Variants in NOA1 observed in about 807,000 individuals in gnomAD.
The protein encoded by NOA1 is nitric oxide associated 1.
NOA1 carries 35 observed loss-of-function variants against 58.4 expected under a neutral mutation model. The ratio of observed to expected loss-of-function variants is 0.60; its 90% CI spans 0.46 to 0.79. NOA1 has a LOEUF of 0.79. Among genes scored for constraint, NOA1 ranks in the 30% least tolerant of loss-of-function variants. The pLI is 0.00. For synonymous variants in NOA1, 397 were observed against 373.4 expected (o/e 1.06, Z -0.73); for missense variants, 895 against 894.6 (o/e 1.00, Z -0.01).
At chr4:56,972,753 C>T (rs575561599) in intron 3 of NOA1, among the ~76,000 whole-genome samples, 1 of 152,216 alleles carries the variant, frequency 6.6e-6, no homozygotes, top group South Asian at 2.1e-4. Flanking sequence ...TAAACGTTTC[C>T]CTAACCAAGG....
chr4:56,966,093 C>G (rs978634167), intron 5 of NOA1, among the ~76,000 whole-genome samples: 9 of 134,414 alleles, frequency 6.7e-5, no homozygotes, highest in African/African-American at 2.3e-4. Context: ...GTAGCGCGAT[C>G]TTGGCTCACT....
Position 56,976,952 on chromosome 4 carries a change from G to A in NOA1, c.634C>T (p.Pro212Ser), listed in dbSNP as rs772377044. 6.2e-7 allele frequency: 1 copy of A among 1,602,940 alleles called. No individual in the cohort carries two copies. Among genetic ancestry groups the A allele is most frequent in the Non-Finnish European group, 8.5e-7 (1 of 1,177,408 alleles). ...LELVSAALRR[P>S]GPSLVLYMVD... Reference sequence around the variant, plus strand: ...ATGTAGAGCACCAGGGAGGGGCCGGGCCGCCGCAACGCGGCGCTCACCAGC... The same window carrying A: ...ATGTAGAGCACCAGGGAGGGGCCGGACCGCCGCAACGCGGCGCTCACCAGC... The change falls in exon 1 of 7, where the codon CCC becomes TCC. Residue 212 changes from proline (P) to serine (S), a missense_variant. Physicochemically the swap from Pro to Ser is moderately conservative, Grantham distance 74. This residue lies in a region of NOA1 where 680 missense variants were observed against 656.5 expected (regional missense o/e 1.04). Coordinates refer to ENST00000264230, the MANE Select transcript of NOA1 (RefSeq NM_032313.4).
rs1433691604 is a variant in NOA1, at chr4:56,964,443, T to G, written c.1848A>C (p.Ala616=). The G allele has an allele frequency of 1.2e-6, 2 of 1,614,062 alleles. No homozygotes were observed. The highest frequency in any genetic ancestry group is 1.7e-6 in the Non-Finnish European group (2 of 1,180,038). Residue 616 remains alanine (A), a synonymous_variant, in exon 6 of 7, where the codon GCA becomes GCC. Transcript: ENST00000264230. ...ACTTGATGTCGGCCACTGCTTCAGA[T>G]GCCCCCAGTCCTTCTTTTAACATAA... ...EDIMLKEGLG[A]SEAVADIKFS...
intron 4 of NOA1, among the ~76,000 whole-genome samples, chr4:56,967,922 T>TG (rs1176321727): frequency 1.3e-5 from 2 of 149,660 alleles, no homozygotes; most frequent in Non-Finnish European, 3.0e-5. Flanking sequence ...TCCCCAAGTT[T>TG]TTTTTTTTTT....
chr4:56,968,629 C>T, intron 3 of NOA1, 114 bp from the exon 4 acceptor site: 1 of 818,012 alleles, frequency 1.2e-6, no homozygotes, highest in Non-Finnish European at 1.9e-6. Flanking sequence ...CAAAATAAAC[C>T]AAATTATGTC....
chr4:56,977,544 G>A lies in NOA1; in HGVS notation c.42C>T (p.Phe14=). The change falls in exon 1 of 7, where the codon TTC becomes TTT. Residue 14 remains phenylalanine, a synonymous_variant. Transcript: ENST00000264230. ...CTGCCGTGGGAGCGGATCCACGAAGGAAAAGGCTCAGCAGCCTGAACGGTA... is the reference window on the plus strand; with the variant it reads ...CTGCCGTGGGAGCGGATCCACGAAGAAAAAGGCTCAGCAGCCTGAACGGTA... ...ARLPFRLLSL[F]LRGSAPTAAR... is the part of the protein sequence containing the mutation. 1 of 1,611,206 alleles carries A rather than the reference G, an allele frequency of 6.2e-7. No individual in the cohort carries two copies. The highest frequency in any genetic ancestry group is 8.5e-7 in the Non-Finnish European group (1 of 1,178,978).
Position 56,963,361 on chromosome 4 carries a change from G to T in NOA1, c.*89C>A. 1 of 1,108,398 alleles carries T rather than the reference G, an allele frequency of 9.0e-7. No individual in the cohort carries two copies. Among genetic ancestry groups the T allele is most frequent in the Non-Finnish European group, 1.3e-6 (1 of 750,674 alleles). The allele number at this position is 1,108,398 out of a possible 1,614,324, so 68.7% of individuals were successfully genotyped here. A position where few individuals can be genotyped will look rare whatever the true frequency, so the allele number is the denominator to read the frequency against. ...AAAGAAAAAAAGGGTAAGAATGGGA[G>T]CTTTATTTATGCGTTATATGTTTAA... On this transcript the variant is annotated 3_prime_UTR_variant, in exon 7 of 7. Transcript: ENST00000264230.
intron 5 of NOA1, 32 bp downstream of exon 5, chr4:56,966,588 C>G: frequency 7.6e-7 from 1 of 1,308,236 alleles, no homozygotes; most frequent in East Asian, 2.3e-5. Context: ...GTATACTAAC[C>G]ATAACCATGC....
chr4:56,965,010 T>C (rs1721671210), intron 5 of NOA1, among the ~76,000 whole-genome samples: 2 of 152,124 alleles, frequency 1.3e-5, no homozygotes, highest in Non-Finnish European at 2.9e-5. Flanking sequence ...GTAATTTTTT[T>C]TTTTTTGAGA....
intron 4 of NOA1, among the ~76,000 whole-genome samples, chr4:56,967,032 G>A (rs1324946907): frequency 3.3e-5 from 5 of 152,050 alleles, no homozygotes; most frequent in Admixed American, 1.3e-4. Flanking sequence ...TGCTTTAATT[G>A]TCTCTGTGTA....
rs767530139 is a variant in NOA1, at chr4:56,966,614, C to T, written c.1764+6G>A. Reference sequence around the variant, plus strand: ...ATAACCATGCAATCAAGGCATGTTGCCTTACCTGGAGTAACGTATGACCTG... The same window carrying T: ...ATAACCATGCAATCAAGGCATGTTGTCTTACCTGGAGTAACGTATGACCTG... On this transcript the variant is annotated splice_donor_region_variant and intron_variant, in intron 5 of 6. Coordinates refer to ENST00000264230, the MANE Select transcript of NOA1 (RefSeq NM_032313.4). 2 of 1,563,358 alleles carry T rather than the reference C, an allele frequency of 1.3e-6. No homozygotes were observed. Among genetic ancestry groups the T allele is most frequent in the Non-Finnish European group, 8.8e-7 (1 of 1,134,398 alleles).
Position 56,977,593 on chromosome 4 carries a change from T to C in NOA1, c.-8A>G, listed in dbSNP as rs377646117. On this transcript the variant is annotated 5_prime_UTR_variant, in exon 1 of 7. Coordinates refer to ENST00000264230, the MANE Select transcript of NOA1 (RefSeq NM_032313.4). ...TAGGCGAGCGGGCAGCATGAGGAAG[T>C]AGCTCCAAAGGGGCGGAGCCACCAG... 14 of 1,564,116 alleles carry C rather than the reference T, an allele frequency of 9.0e-6. No individual in the cohort carries two copies. The South Asian group carries it at 1.1e-4, about 13-fold the overall frequency.
In NOA1 at chr4:56,973,860, A is replaced by C; in HGVS notation, c.1307T>G (p.Val436Gly). The C allele has an allele frequency of 6.2e-7, 1 of 1,613,956 alleles. No homozygotes were observed. The highest frequency in any genetic ancestry group is 1.1e-5 in the South Asian group (1 of 91,058). ...GTTTTCCCATAGAGGATGCTTACCT[A>C]CGACATAACCATGCTTTTTGAGGAC... ...LNVLKKHGYV[V>G]GRVGRTFLYS... The change falls in exon 2 of 7, where the codon GTA becomes GGA. Residue 436 changes from valine to glycine, a missense_variant and splice_region_variant. By Grantham distance (109) the Val-to-Gly change is moderately radical (BLOSUM62 -3). Around this residue, in one of 3 missense-constraint regions of NOA1, gnomAD observed 680 missense variants for 656.5 expected, o/e 1.04. Transcript: ENST00000264230.
In NOA1 at chr4:56,973,842, C is replaced by A. The variant is rs1399162339; in HGVS notation, c.1309+16G>T. ...AGCATAGTACCAACGAGGGTTTTCC[C>A]ATAGAGGATGCTTACCTACGACATA... On this transcript the variant is annotated intron_variant, in intron 2 of 6. Coordinates refer to ENST00000264230, the MANE Select transcript of NOA1 (RefSeq NM_032313.4). The A allele has an allele frequency of 6.2e-7, 1 of 1,612,638 alleles. No homozygotes were observed. The highest frequency in any genetic ancestry group is 8.5e-7 in the Non-Finnish European group (1 of 1,179,178).
chr4:56,973,386 T>G, intron 2 of NOA1, 33 bp from the exon 3 acceptor site: 1 of 1,532,626 alleles, frequency 6.5e-7, no homozygotes, highest in Non-Finnish European at 9.0e-7. Flanking sequence ...TATTAGTCAC[T>G]CCTTTAATAC....
chr4:56,966,776 T>G lies in NOA1; in HGVS notation c.1648-40A>C. 1.5e-6 allele frequency: 2 copies of G among 1,311,518 alleles called. 1 individual carries two copies. Among genetic ancestry groups the G allele is most frequent in the Non-Finnish European group, 2.2e-6 (2 of 914,774 alleles). The allele number at this position is 1,311,518 out of a possible 1,614,324, so 81.2% of individuals were successfully genotyped here. Reference sequence around the variant, plus strand: ...AAGTTATCTGACCTGGTGAAAAACTTGGAAAACCTGCATATTCAAGGTACA... The same window carrying G: ...AAGTTATCTGACCTGGTGAAAAACTGGGAAAACCTGCATATTCAAGGTACA... On this transcript the variant is annotated intron_variant, in intron 4 of 6. Coordinates refer to ENST00000264230, the MANE Select transcript of NOA1 (RefSeq NM_032313.4).
In NOA1 at chr4:56,969,713, C is replaced by T. The variant is rs527480839; in HGVS notation, c.1516-1198G>A. ...ACATTAAAAGCCATTTGCAGGTCAG[C>T]CATGGTGGCTCATGCCTGTAATCCC... is the stretch of plus-strand genomic sequence containing the variant. On this transcript the variant is annotated intron_variant, in intron 3 of 6. Transcript: ENST00000264230. Among the ~76,000 whole-genome samples, 33 of 152,096 alleles carry T rather than the reference C, an allele frequency of 2.2e-4. No individual in the cohort carries two copies. In the South Asian group the frequency reaches 6.6e-3, roughly 31 times the overall value.
In NOA1 at chr4:56,976,514, G is replaced by T. The variant is rs754102711; in HGVS notation, c.1072C>A (p.Leu358Ile). 1 of 1,614,238 alleles carries T rather than the reference G, an allele frequency of 6.2e-7. No homozygotes were observed. The highest frequency in any genetic ancestry group is 8.5e-7 in the Non-Finnish European group (1 of 1,180,040). Residue 358 changes from leucine (L) to isoleucine (I), a missense_variant, in exon 1 of 7, where the codon CTC becomes ATC. By Grantham distance (5) the Leu-to-Ile change is conservative. Coordinates refer to ENST00000264230, the MANE Select transcript of NOA1 (RefSeq NM_032313.4). ...NAGKSTLFNT[L>I]LESDYCTAKG... Reference sequence around the variant, plus strand: ...GCAGTGCAGTAATCGGACTCCAGGAGCGTGTTAAAGAGAGTGGATTTGCCG... The same window carrying T: ...GCAGTGCAGTAATCGGACTCCAGGATCGTGTTAAAGAGAGTGGATTTGCCG...
At chr4:56,963,692 C>T (rs1721649180) in intron 6 of NOA1, 31 bp from the exon 7 acceptor site, 5 of 1,547,996 alleles carry the variant, frequency 3.2e-6, no homozygotes, top group Non-Finnish European at 4.5e-6. Flanking sequence ...ACACAAAAGG[C>T]TGTTAGCAAT....
Sources: allele counts gnomAD v4.1 joint callset (sites outside exome capture counted in the v4.1 genomes callset), GRCh38; gene constraint gnomAD v4.1.1; regional missense constraint gnomAD v4.1.1; transcripts MANE v1.5; gene names NCBI Gene and HGNC (gene_info 2026-07-23, HGNC 2026-07-21).